Variants in ADCY2 observed in about 807,000 individuals in gnomAD.
ADCY2 encodes the protein adenylate cyclase 2.
ADCY2 carries 31 observed loss-of-function variants against 125.2 expected under a neutral mutation model. The observed-to-expected ratio is 0.25, with a 90% confidence interval of 0.19 to 0.33. ADCY2 has a LOEUF of 0.33. ADCY2 is among the 10% of genes least tolerant of loss of function. The pLI is 1.00. For synonymous variants in ADCY2, 512 were observed against 548.4 expected (o/e 0.93, Z 0.93); for missense variants, 904 against 1,418.2 (o/e 0.64, Z 5.82).
In ADCY2 at chr5:7,501,842, T is replaced by C. The variant is rs1297164496; in HGVS notation, c.409-18896T>C. 4.6e-5 allele frequency among the ~76,000 whole-genome samples: 7 copies of C among 151,974 alleles called. 1 individual carries two copies. Among genetic ancestry groups the C allele is most frequent in the African/African-American group, 1.7e-4 (7 of 41,402 alleles). On this transcript the variant is annotated intron_variant, in intron 2 of 24. Coordinates refer to ENST00000338316, the MANE Select transcript of ADCY2 (RefSeq NM_020546.3). ...GATCAGTGGATTATTTGCTTCCTCC[T>C]CCTGCCCTCAGGCTAGGTCCACTAA... is the stretch of plus-strand genomic sequence containing the variant.
In ADCY2 at chr5:7,698,247, G is replaced by A; in HGVS notation, c.982G>A (p.Glu328Lys). 1 of 1,613,840 alleles carries A rather than the reference G, an allele frequency of 6.2e-7. No homozygotes were observed. The highest frequency in any genetic ancestry group is 8.5e-7 in the Non-Finnish European group (1 of 1,179,920). The change falls in exon 7 of 25, where the codon GAG (glutamate) becomes AAG (lysine). Residue 328 changes from glutamate (E) to lysine (K), a missense_variant and splice_region_variant. Glu to Lys is a moderately conservative substitution (Grantham distance 56). This residue lies in a region of ADCY2 where 117 missense variants were observed against 248.0 expected (regional missense o/e 0.47). Coordinates refer to ENST00000338316, the MANE Select transcript of ADCY2 (RefSeq NM_020546.3). ...LFGKFDQIAK[E>K]NECMRIKILG... ...GAAATTCTGTAATTTATTCTTCCAG[G>A]AGAATGAATGCATGAGAATTAAAAT...
At chr5:7,428,545 A>C (rs1740472375) in intron 2 of ADCY2, among the ~76,000 whole-genome samples, 1 of 152,206 alleles carries the variant, frequency 6.6e-6, no homozygotes, top group Non-Finnish European at 1.5e-5. Context: ...AATTATGTGA[A>C]ATTGAATTAT....
chr5:7,611,599 T>C (rs577178195), intron 3 of ADCY2, among the ~76,000 whole-genome samples: 7 of 152,338 alleles, frequency 4.6e-5, no homozygotes, highest in African/African-American at 1.7e-4. Flanking sequence ...TTCTGGCTTG[T>C]AATACCTCTT....
intron 2 of ADCY2, among the ~76,000 whole-genome samples, chr5:7,445,975 CTT>C (rs1579451076): frequency 6.6e-6 from 1 of 152,114 alleles, no homozygotes; most frequent in African/African-American, 2.4e-5. Context: ...ATTGCTTTCT[CTT>C]GTCTCATTGC....
chr5:7,654,290 G>T (rs76299151), intron 4 of ADCY2: 1 of 373,836 alleles, frequency 2.7e-6, no homozygotes, highest in Non-Finnish European at 5.3e-6. Flanking sequence ...GAGCTCTGGT[G>T]GGGTGGCGGG....
At chr5:7,772,652 A>G (rs1743589214) in intron 17 of ADCY2, among the ~76,000 whole-genome samples, 1 of 152,100 alleles carries the variant, frequency 6.6e-6, no homozygotes, top group African/African-American at 2.4e-5. Flanking sequence ...TCTTCCATAT[A>G]AGTTTTTTTT....
At chr5:7,791,922 T>C (rs1053920428) in intron 20 of ADCY2, among the ~76,000 whole-genome samples, 1 of 151,828 alleles carries the variant, frequency 6.6e-6, no homozygotes, top group African/African-American at 2.4e-5. Context: ...AATAAAGTGC[T>C]AGAAACTAGC....
chr5:7,652,965 A>G (rs1739149674), intron 4 of ADCY2, among the ~76,000 whole-genome samples: 1 of 152,248 alleles, frequency 6.6e-6, no homozygotes, highest in African/African-American at 2.4e-5. Context: ...AAGAAAAAAG[A>G]GGAAGAAGCA....
chr5:7,671,458 G>A (rs995626824), intron 4 of ADCY2, among the ~76,000 whole-genome samples: 15 of 152,148 alleles, frequency 9.9e-5, no homozygotes, highest in African/African-American at 2.7e-4. Flanking sequence ...TAGTCAACAG[G>A]GAAACGGAGG....
At chr5:7,682,004 A>G (rs963623713) in intron 4 of ADCY2, among the ~76,000 whole-genome samples, 3 of 151,980 alleles carry the variant, frequency 2.0e-5, no homozygotes, top group African/African-American at 4.8e-5. Flanking sequence ...TCTAATCCCA[A>G]CTCCTCCACC....
intron 2 of ADCY2, among the ~76,000 whole-genome samples, chr5:7,504,448 G>T (rs1296828722): frequency 6.6e-6 from 1 of 152,056 alleles, no homozygotes; most frequent in Non-Finnish European, 1.5e-5. Flanking sequence ...GTTAATGTTG[G>T]ACTCTGGAAC....
chr5:7,704,293 C>G (rs959910125), intron 7 of ADCY2, among the ~76,000 whole-genome samples: 4 of 152,196 alleles, frequency 2.6e-5, no homozygotes, highest in African/African-American at 7.2e-5. Flanking sequence ...CTGCTCTTCT[C>G]TCTGTGTTCA....
intron 4 of ADCY2, among the ~76,000 whole-genome samples, chr5:7,662,548 T>G (rs549408242): frequency 6.6e-6 from 1 of 152,342 alleles, no homozygotes; most frequent in African/African-American, 2.4e-5. Flanking sequence ...CAGCACTGCC[T>G]TCAGTTCTAT....
At chr5:7,688,203 C>T (rs1740586386) in intron 4 of ADCY2, among the ~76,000 whole-genome samples, 1 of 152,098 alleles carries the variant, frequency 6.6e-6, no homozygotes, top group South Asian at 2.1e-4. Context: ...ACATGCCTCC[C>T]TTCTCCCATC....
At chr5:7,636,967 G>A (rs577787427) in intron 4 of ADCY2, among the ~76,000 whole-genome samples, 6 of 152,262 alleles carry the variant, frequency 3.9e-5, no homozygotes, top group South Asian at 2.1e-4. Flanking sequence ...GAAATGCCGC[G>A]GGGTTTGTTT....
rs746048868 is a variant in ADCY2, at chr5:7,784,404, G to A, written c.2424G>A (p.Val808=). 18 of 1,613,938 alleles carry A rather than the reference G, an allele frequency of 1.1e-5. No homozygotes were observed. The East Asian group carries it at 3.8e-4, about 34-fold the overall frequency. ...AAGACCTGAAGACCATGGGCTCTGT[G>A]TCTCTCTCTATATTCTTCATCACAC... ...IWKDLKTMGS[V]SLSIFFITLL... is the part of the protein sequence containing the mutation. The change falls in exon 19 of 25, where the codon GTG becomes GTA. Residue 808 remains valine, a synonymous_variant. Coordinates refer to ENST00000338316, the MANE Select transcript of ADCY2 (RefSeq NM_020546.3).
intron 3 of ADCY2, among the ~76,000 whole-genome samples, chr5:7,571,756 ACCTATTATTTTT>A (rs1179680456): frequency 6.6e-6 from 1 of 151,960 alleles, no homozygotes; most frequent in Non-Finnish European, 1.5e-5. Context: ...TAAGCTTAGT[ACCTATTATTTTT>A]CCTGATCCTC....
intron 18 of ADCY2, among the ~76,000 whole-genome samples, chr5:7,778,270 A>G (rs1293610016): frequency 6.6e-6 from 1 of 152,182 alleles, no homozygotes; most frequent in African/African-American, 2.4e-5. Context: ...TTTTTCTTAC[A>G]GAACTGAAAA....
intron 15 of ADCY2, among the ~76,000 whole-genome samples, chr5:7,754,317 A>C (rs1742918919): frequency 6.6e-6 from 1 of 152,204 alleles, no homozygotes; most frequent in African/African-American, 2.4e-5. Flanking sequence ...TAATTTCAAA[A>C]ATTTGTCTGT....
Sources: allele counts gnomAD v4.1 joint callset (sites outside exome capture counted in the v4.1 genomes callset), GRCh38; gene constraint gnomAD v4.1.1; regional missense constraint gnomAD v4.1.1; transcripts MANE v1.5; gene names NCBI Gene and HGNC (gene_info 2026-07-23, HGNC 2026-07-21).